RPS6KA1: variants seen among roughly 807,000 people sequenced by gnomAD.
RPS6KA1 encodes the protein ribosomal protein S6 kinase alpha-1.
In RPS6KA1, 48 loss-of-function variants were observed where a neutral mutation model predicts 91.3. The observed-to-expected ratio is 0.53, with a 90% confidence interval of 0.42 to 0.67. The LOEUF is 0.67. Among genes scored for constraint, RPS6KA1 ranks in the 30% least tolerant of loss-of-function variants. The pLI is 0.00. For missense variants in RPS6KA1, 719 were observed against 960.5 expected (o/e 0.75, Z 3.32); for synonymous variants, 359 against 384.7 (o/e 0.93, Z 0.78).
rs2076097863 is a variant in RPS6KA1 at position 26,555,951 on chromosome 1, C to T, written c.916+326C>T. Reference sequence around the variant, plus strand: ...AGTCAGAAGGCATAGGTCCCAATCCCGGCTCTGTGTCAGGTCCCCACTGCC... The same window carrying T: ...AGTCAGAAGGCATAGGTCCCAATCCTGGCTCTGTGTCAGGTCCCCACTGCC... On this transcript the variant is annotated intron_variant, in intron 11 of 21. Coordinates refer to ENST00000374168, the MANE Select transcript of RPS6KA1 (RefSeq NM_002953.4). This position sits in a 1 kb window ranked among gnomAD's most constrained non-coding sequence, Gnocchi z 4.3. 4 of 422,974 alleles carry T rather than the reference C, an allele frequency of 9.5e-6. No individual in the cohort carries two copies. The South Asian group carries it at 1.2e-4, about 12-fold the overall frequency. The allele number at this position is 422,974 out of a possible 1,614,324, so 26.2% of individuals were successfully genotyped here. A position where few individuals can be genotyped will look rare whatever the true frequency, so the allele number is the denominator to read the frequency against.
Position 26,554,724 on chromosome 1 carries a change from T to A in RPS6KA1, c.742T>A (p.Tyr248Asn). 6.2e-7 allele frequency: 1 copy of A among 1,604,648 alleles called. No homozygotes were observed. Among genetic ancestry groups the A allele is most frequent in the Non-Finnish European group, 8.5e-7 (1 of 1,172,874 alleles). ...CTCCCATAGTGCGGACTGGTGGTCC[T>A]ATGGGGTGTTGATGGTGAGTGCCCA... Reference protein sequence around the residue: ...GHSHSADWWSYGVLMFEMLTG... With the variant: ...GHSHSADWWSNGVLMFEMLTG... The change falls in exon 9 of 22, where the codon TAT (tyrosine) becomes AAT (asparagine). Residue 248 changes from tyrosine (Y) to asparagine (N), a missense_variant. This residue lies in a region of RPS6KA1 where 228 missense variants were observed against 247.6 expected (regional missense o/e 0.92). Transcript: ENST00000374168. The surrounding 1 kb of genome is among the most constrained non-coding windows in gnomAD (Gnocchi z 4.6).
chr1:26,533,036 A>C (rs978784191), intron 1 of RPS6KA1, among the ~76,000 whole-genome samples: 4 of 152,202 alleles, frequency 2.6e-5, no homozygotes, highest in African/African-American at 9.6e-5. Flanking sequence ...GATGTCAGCA[A>C]GACACACCTG....
intron 1 of RPS6KA1, among the ~76,000 whole-genome samples, chr1:26,530,244 AC>A (rs2075858448): frequency 6.6e-6 from 1 of 152,118 alleles, no homozygotes; most frequent in Non-Finnish European, 1.5e-5. Context: ...GGTCGCCTTC[AC>A]CCCACACCTA....
chr1:26,548,371 G>A (rs1323567277), intron 4 of RPS6KA1, among the ~76,000 whole-genome samples: 1 of 152,144 alleles, frequency 6.6e-6, no homozygotes, highest in East Asian at 1.9e-4. Flanking sequence ...GGTGGGCCCA[G>A]AGGCCAAGGG....
Position 26,561,930 on chromosome 1 carries a change from TGG to T in RPS6KA1, c.1590+268_1590+269del, listed in dbSNP as rs2076157408. Among the ~76,000 whole-genome samples, 1 of 152,130 alleles carries T rather than the reference TGG, an allele frequency of 6.6e-6. No homozygotes were observed. The highest frequency in any genetic ancestry group is 2.1e-4 in the South Asian group (1 of 4,830). On this transcript the variant is annotated intron_variant, in intron 17 of 21. Transcript: ENST00000374168. This position sits in a 1 kb window ranked among gnomAD's most constrained non-coding sequence, Gnocchi z 5.7. The stretch of plus-strand genomic sequence containing the variant: ...TAAGATGAAGTTTCCAGACCAGGCA[TGG>T]TAGCTCACGCCTGTAATCCCAGCAA...
chr1:26,556,013 C>A (rs968104789), intron 11 of RPS6KA1: 13 of 265,592 alleles, frequency 4.9e-5, no homozygotes, highest in Admixed American at 3.2e-4. Flanking sequence ...ATTTGTTAAA[C>A]GAATGAGGCC....
chr1:26,533,012 G>T (rs369082089), intron 1 of RPS6KA1, among the ~76,000 whole-genome samples: 7 of 152,226 alleles, frequency 4.6e-5, no homozygotes, highest in African/African-American at 1.7e-4. Flanking sequence ...TACTATTTCA[G>T]ACAACAAAGT....
intron 4 of RPS6KA1, among the ~76,000 whole-genome samples, chr1:26,548,832 G>A (rs1017655639): frequency 1.7e-4 from 25 of 151,386 alleles, no homozygotes; most frequent in Non-Finnish European, 3.1e-4. Context: ...GAAAATGTAA[G>A]GTGACCAAAA....
Position 26,571,762 on chromosome 1 carries a change from CCTGCCCTTGAGGGGA to C in RPS6KA1, c.1753-86_1753-72del. ...TCTAGCCTGTGCCTGGGACCCTTGTCCTGCCCTTGAGGGGAGTAGCAGGAAACATCTGTGGCGACT... is the reference window on the plus strand; with the variant it reads ...TCTAGCCTGTGCCTGGGACCCTTGTCGTAGCAGGAAACATCTGTGGCGACT... On this transcript the variant is annotated intron_variant, in intron 18 of 21. Coordinates refer to ENST00000374168, the MANE Select transcript of RPS6KA1 (RefSeq NM_002953.4). The surrounding 1 kb of genome is among the most constrained non-coding windows in gnomAD (Gnocchi z 5.1). The C allele has an allele frequency of 6.7e-7, 1 of 1,498,224 alleles. No homozygotes were observed. The highest frequency in any genetic ancestry group is 2.4e-5 in the East Asian group (1 of 41,600). The allele number at this position is 1,498,224 out of a possible 1,614,324, so 92.8% of individuals were successfully genotyped here.
Position 26,554,487 on chromosome 1 carries a change from C to A in RPS6KA1, c.614-109C>A, listed in dbSNP as rs892302329. On this transcript the variant is annotated intron_variant, in intron 8 of 21. Coordinates refer to ENST00000374168, the MANE Select transcript of RPS6KA1 (RefSeq NM_002953.4). This position sits in a 1 kb window ranked among gnomAD's most constrained non-coding sequence, Gnocchi z 4.6. ...TGGGCCTTAGCTTCCTCCTGAGTGTCATGGGGGTGATGCCTTCTGGCCTCT... is the reference window on the plus strand; with the variant it reads ...TGGGCCTTAGCTTCCTCCTGAGTGTAATGGGGGTGATGCCTTCTGGCCTCT... The A allele has an allele frequency of 8.5e-6, 12 of 1,419,434 alleles. No homozygotes were observed. Among genetic ancestry groups the A allele is most frequent in the Non-Finnish European group, 1.2e-5 (12 of 1,037,412 alleles). 87.9% of individuals were successfully genotyped at this position (1,419,434 alleles called of 1,614,324 possible).
intron 20 of RPS6KA1, 67 bp downstream of exon 20, chr1:26,572,360 C>T (rs916199195): frequency 1.2e-5 from 13 of 1,051,768 alleles, no homozygotes; most frequent in Non-Finnish European, 1.9e-5. Flanking sequence ...TAGGGCTTTT[C>T]AGCAGTTCAT....
At chr1:26,564,291 C>G (rs983236501) in intron 17 of RPS6KA1, among the ~76,000 whole-genome samples, 7 of 152,144 alleles carry the variant, frequency 4.6e-5, no homozygotes, top group African/African-American at 1.7e-4. Flanking sequence ...CGGAGTCTCT[C>G]TCTGTCGCCC....
chr1:26,545,941 C>T, intron 2 of RPS6KA1: 1 of 1,597,902 alleles, frequency 6.3e-7, no homozygotes, highest in Non-Finnish European at 8.5e-7. Context: ...CGGCTCTGGG[C>T]CCTGATCCCC....
rs1219647222 is a variant in RPS6KA1, at chr1:26,555,769, G to A, written c.916+144G>A. Reference sequence around the variant, plus strand: ...AATGCCGCGGGCCACCCTGCTTTCTGGCTCCATGTGTGGTGTTGTGGAGGG... The same window carrying A: ...AATGCCGCGGGCCACCCTGCTTTCTAGCTCCATGTGTGGTGTTGTGGAGGG... On this transcript the variant is annotated intron_variant, in intron 11 of 21. Transcript: ENST00000374168. This position sits in a 1 kb window ranked among gnomAD's most constrained non-coding sequence, Gnocchi z 4.3. 10 of 791,764 alleles carry A rather than the reference G, an allele frequency of 1.3e-5. No individual in the cohort carries two copies. Among genetic ancestry groups the A allele is most frequent in the Non-Finnish European group, 2.1e-5 (10 of 474,028 alleles). The allele number at this position is 791,764 out of a possible 1,614,324, so 49.0% of individuals were successfully genotyped here. A position where few individuals can be genotyped will look rare whatever the true frequency, so the allele number is the denominator to read the frequency against.
rs77306529 is a variant in RPS6KA1 at position 26,542,978 on chromosome 1, G to A, written c.109-3889G>A. ...CCCTGGGCCTTCCCTGGGGTCATGG[G>A]CTTGGGGTCTGCAGTGTCCCCTCCT... is the stretch of plus-strand genomic sequence containing the variant. On this transcript the variant is annotated intron_variant, in intron 2 of 21. Transcript: ENST00000374168. The A allele has an allele frequency of 3.1e-3, 1,866 of 603,842 alleles. 48 individuals are homozygous for A. The East Asian group carries it at 0.049, about 16-fold the overall frequency. 37.4% of individuals were successfully genotyped at this position (603,842 alleles called of 1,614,324 possible).
At chr1:26,546,657 C>T (rs1023796075) in intron 2 of RPS6KA1, among the ~76,000 whole-genome samples, 4 of 152,242 alleles carry the variant, frequency 2.6e-5, no homozygotes, top group Admixed American at 1.3e-4. Flanking sequence ...GCATCGTGAG[C>T]AATAGGAGCG....
At position 26,551,350 on chromosome 1, in the gene RPS6KA1, G is replaced by A. The variant is rs756204226; in HGVS notation, c.308-47G>A. On this transcript the variant is annotated intron_variant, in intron 4 of 21. Transcript: ENST00000374168. This position sits in a 1 kb window ranked among gnomAD's most constrained non-coding sequence, Gnocchi z 4.5. ...CCTTAGCGGGGGCTTGGGAGTGGCTGTGTTGAGTGTCTAGGCTACTGGTGA... is the reference window on the plus strand; with the variant it reads ...CCTTAGCGGGGGCTTGGGAGTGGCTATGTTGAGTGTCTAGGCTACTGGTGA... 2 of 1,546,842 alleles carry A rather than the reference G, an allele frequency of 1.3e-6. No individual in the cohort carries two copies. Among genetic ancestry groups the A allele is most frequent in the Non-Finnish European group, 1.8e-6 (2 of 1,119,406 alleles).
chr1:26,530,267 G>A (rs2075858683), intron 1 of RPS6KA1, among the ~76,000 whole-genome samples: 2 of 152,196 alleles, frequency 1.3e-5, no homozygotes, highest in African/African-American at 4.8e-5. Flanking sequence ...GACCCGTCCC[G>A]GCATCTGTCC....
chr1:26,551,553 C>T lies in RPS6KA1; in HGVS notation c.388+76C>T. The T allele has an allele frequency of 6.3e-7, 1 of 1,596,754 alleles. No individual in the cohort carries two copies. The highest frequency in any genetic ancestry group is 1.1e-5 in the South Asian group (1 of 90,684). On this transcript the variant is annotated intron_variant, in intron 5 of 21. Coordinates refer to ENST00000374168, the MANE Select transcript of RPS6KA1 (RefSeq NM_002953.4). The surrounding 1 kb of genome is among the most constrained non-coding windows in gnomAD (Gnocchi z 4.5). ...TGCCTGTGGTCTGTACACTGTCCCA[C>T]CGCCTGCCTGGCAGGCCAAGGGAGC...
Sources: gnomAD v4.1 joint callset for allele counts (sites outside exome capture counted in the v4.1 genomes callset) on GRCh38, gnomAD v4.1.1 for gene constraint, gnomAD v4.1.1 regional missense constraint, Gnocchi (gnomAD v3.1) non-coding constraint, MANE v1.5 for transcripts, NCBI Gene and HGNC (gene_info 2026-07-23, HGNC 2026-07-21) for gene names.